Variants in TANC2 observed in about 807,000 individuals in gnomAD.
TANC2 encodes tetratricopeptide repeat, ankyrin repeat and coiled-coil containing 2, also known as protein TANC2.
Under a neutral mutation model 210.5 loss-of-function variants are expected in TANC2, and 26 were observed. The observed-to-expected ratio is 0.12, with a 90% CI of 0.09 to 0.17. The LOEUF (loss-of-function observed/expected upper bound fraction) is 0.17. Ranked by LOEUF, TANC2 falls within the 10% of genes least tolerant of loss-of-function variation. TANC2 has a pLI of 1.00. For synonymous variants in TANC2, 931 were observed against 967.1 expected (o/e 0.96, Z 0.69); for missense variants, 2,129 against 2,608.9 (o/e 0.82, Z 4.01).
Position 63,366,489 on chromosome 17 carries a change from A to C in TANC2, c.2582+11099A>C, listed in dbSNP as rs188469379. Among the ~76,000 whole-genome samples, 3 of 152,332 alleles carry C rather than the reference A, an allele frequency of 2.0e-5. 1 individual carries two copies. Among genetic ancestry groups the C allele is most frequent in the Admixed American group, 2.0e-4 (3 of 15,292 alleles). ...CGTTGGTGTTTCAAACTGACATTTC[A>C]GTGGAGTCATAGCTCTTCTGCCTCA... On this transcript the variant is annotated intron_variant, in intron 14 of 27. Transcript: ENST00000689528.
At chr17:63,249,200 T>G (rs894447768) in intron 8 of TANC2, among the ~76,000 whole-genome samples, 3 of 152,184 alleles carry the variant, frequency 2.0e-5, no homozygotes, top group Admixed American at 6.6e-5. Flanking sequence ...GGCTCGGAAT[T>G]TTCTGGAGTA....
intron 15 of TANC2, among the ~76,000 whole-genome samples, chr17:63,385,705 A>T (rs555759928): frequency 1.3e-5 from 2 of 152,312 alleles, no homozygotes; most frequent in African/African-American, 4.8e-5. Context: ...GGGTGCCTAC[A>T]TGGGTACTAT....
chr17:63,118,204 C>G (rs1241769684), intron 4 of TANC2, among the ~76,000 whole-genome samples: 1 of 152,074 alleles, frequency 6.6e-6, no homozygotes, highest in Non-Finnish European at 1.5e-5. Context: ...TAAAATCATT[C>G]TTGTTATTTC....
At chr17:63,391,853 A>C (rs1474116547) in intron 17 of TANC2, 1 of 151,842 alleles carries the variant, frequency 6.6e-6, no homozygotes, top group East Asian at 1.9e-4. Context: ...CAGCCTCCCA[A>C]GTAGCTGGGA....
chr17:63,073,718 A>G (rs993329347), intron 2 of TANC2, among the ~76,000 whole-genome samples: 6 of 152,152 alleles, frequency 3.9e-5, no homozygotes, highest in African/African-American at 1.4e-4. Flanking sequence ...GAGGGGAAAA[A>G]CACCTACACT....
At chr17:63,030,219 C>T (rs2034713542) in intron 2 of TANC2, among the ~76,000 whole-genome samples, 1 of 152,058 alleles carries the variant, frequency 6.6e-6, no homozygotes, top group Non-Finnish European at 1.5e-5. Context: ...AGAGTCTCCT[C>T]CCTGGTCAGT....
At chr17:63,318,959 G>A (rs1184703786) in exon 11 of TANC2, 1 of 1,612,688 alleles carries the variant, frequency 6.2e-7, no homozygotes, top group Non-Finnish European at 8.5e-7. Flanking sequence ...TAATCCAGAT[G>A]TGGATGCCAA....
Position 63,026,989 on chromosome 17 carries a change from A to G in TANC2, c.67+17363A>G, listed in dbSNP as rs562189731. 2.0e-5 allele frequency among the ~76,000 whole-genome samples: 3 copies of G among 152,264 alleles called. No homozygotes were observed. The South Asian group carries it at 6.2e-4, about 32-fold the overall frequency. On this transcript the variant is annotated intron_variant, in intron 2 of 27. Transcript: ENST00000689528. ...ATGTAAGGCTTATGCAGTCAGCACA[A>G]GTCGTTTTGTGACTAATTCTTTCCC...
chr17:63,247,182 A>G (rs1019503832), intron 8 of TANC2, among the ~76,000 whole-genome samples: 3 of 152,100 alleles, frequency 2.0e-5, no homozygotes, highest in Admixed American at 6.5e-5. Flanking sequence ...TACAAGTCAC[A>G]TCAGACATGT....
intron 8 of TANC2, among the ~76,000 whole-genome samples, chr17:63,245,990 A>G (rs1383421963): frequency 1.3e-5 from 2 of 148,484 alleles, no homozygotes; most frequent in East Asian, 3.9e-4. Flanking sequence ...AGCCTGGGAT[A>G]CAGAGTGAGA....
intron 17 of TANC2, among the ~76,000 whole-genome samples, chr17:63,394,225 C>T (rs1427810555): frequency 1.3e-5 from 2 of 152,212 alleles, no homozygotes; most frequent in African/African-American, 4.8e-5. Flanking sequence ...GCTATGAAGT[C>T]ATGGATATTT....
At chr17:63,281,913 G>A (rs2044070496) in intron 9 of TANC2, among the ~76,000 whole-genome samples, 1 of 152,052 alleles carries the variant, frequency 6.6e-6, no homozygotes, top group African/African-American at 2.4e-5. Context: ...CCGAAAACTA[G>A]GAAGAGGGAA....
At chr17:63,255,903 C>CTTTTTTTTT (rs1170508286) in intron 8 of TANC2, among the ~76,000 whole-genome samples, 3 of 84,274 alleles carry the variant, frequency 3.6e-5, no homozygotes, top group East Asian at 3.1e-4. Flanking sequence ...TTTGACTTTT[C>CTTTTTTTTT]TTTTTTTTTT....
At chr17:63,167,206 T>C (rs914942009) in intron 5 of TANC2, among the ~76,000 whole-genome samples, 2 of 152,216 alleles carry the variant, frequency 1.3e-5, no homozygotes, top group African/African-American at 4.8e-5. Context: ...CAGTCTCAGG[T>C]TCCTCATCTG....
intron 4 of TANC2, among the ~76,000 whole-genome samples, chr17:63,133,100 A>G (rs1029112946): frequency 6.6e-6 from 1 of 151,956 alleles, no homozygotes; most frequent in African/African-American, 2.4e-5. Context: ...CAGTCTCCCA[A>G]GCAGCTGAGA....
intron 4 of TANC2, among the ~76,000 whole-genome samples, chr17:63,146,813 C>T (rs1446143797): frequency 1.3e-5 from 2 of 152,184 alleles, no homozygotes; most frequent in Non-Finnish European, 2.9e-5. Context: ...TCTCTTTTCA[C>T]CATTAGCATT....
intron 4 of TANC2, chr17:63,149,862 A>G (rs2039588539): frequency 6.6e-6 from 1 of 152,152 alleles, no homozygotes; most frequent in South Asian, 2.1e-4. Context: ...CCATACTGTT[A>G]GGACTCTTAA....
At chr17:63,103,181 A>AT (rs2037695263) in intron 4 of TANC2, among the ~76,000 whole-genome samples, 2 of 152,120 alleles carry the variant, frequency 1.3e-5, no homozygotes, top group Admixed American at 1.3e-4. Flanking sequence ...TTATGTTTTC[A>AT]TTTTGTAAGA....
chr17:63,222,571 T>G (rs1251873526), intron 7 of TANC2, among the ~76,000 whole-genome samples: 1 of 151,488 alleles, frequency 6.6e-6, no homozygotes, highest in Non-Finnish European at 1.5e-5. Context: ...GGTAAAGGTG[T>G]AGGATTGACC....
Sources: gnomAD v4.1 joint callset for allele counts (sites outside exome capture counted in the v4.1 genomes callset) on GRCh38, gnomAD v4.1.1 for gene constraint, MANE v1.5 for transcripts, NCBI Gene and HGNC (gene_info 2026-07-23, HGNC 2026-07-21) for gene names.